Variants in TGFBR2 observed in about 807,000 individuals in gnomAD.
TGFBR2 encodes the protein TGF-beta receptor type-2.
A neutral mutation model predicts 49.0 loss-of-function variants in TGFBR2; 18 were observed. That is an observed-to-expected ratio of 0.37 (90% CI 0.25 to 0.54). The LOEUF is 0.54. Ranked by LOEUF, TGFBR2 falls within the 20% of genes least tolerant of loss-of-function variation. The pLI, the probability that TGFBR2 is intolerant of heterozygous loss-of-function variation, is 0.85. For synonymous variants in TGFBR2, 282 were observed against 275.9 expected (o/e 1.02, Z -0.22); for missense variants, 525 against 722.6 (o/e 0.73, Z 3.13).
chr3:30,682,541 G>A (rs1197260012), intron 5 of TGFBR2, among the ~76,000 whole-genome samples: 1 of 152,082 alleles, frequency 6.6e-6, no homozygotes, highest in African/African-American at 2.4e-5. Context: ...CAAGAGAGAG[G>A]CCCAAGGTCA....
At position 30,606,733 on chromosome 3, in the gene TGFBR2, GCGAGCGGGCGCCACATCTGGCC is replaced by G. The variant is rs1385570829; in HGVS notation, c.-148_-127del. 5 of 493,802 alleles carry G rather than the reference GCGAGCGGGCGCCACATCTGGCC, an allele frequency of 1.0e-5. No individual in the cohort carries two copies. The highest frequency in any genetic ancestry group is 1.6e-5 in the Non-Finnish European group (5 of 311,112). The allele number at this position is 493,802 out of a possible 1,614,324, so 30.6% of individuals were successfully genotyped here. On this transcript the variant is annotated 5_prime_UTR_variant, in exon 1 of 7. Coordinates refer to ENST00000295754, the MANE Select transcript of TGFBR2 (RefSeq NM_003242.6). ...CGGCCTCCAGGCCCCCTCCTGGCTG[GCGAGCGGGCGCCACATCTGGCC>G]CGCACATCTGCGCTGCCGGCCCGGC...
chr3:30,691,060 G>A (rs1457124314), intron 6 of TGFBR2, among the ~76,000 whole-genome samples: 2 of 152,158 alleles, frequency 1.3e-5, no homozygotes, highest in Non-Finnish European at 2.9e-5. Flanking sequence ...AAATAGAAAG[G>A]TGTTGAAATG....
intron 2 of TGFBR2, among the ~76,000 whole-genome samples, chr3:30,648,109 C>T (rs1468890569): frequency 1.3e-5 from 2 of 152,132 alleles, no homozygotes; most frequent in Non-Finnish European, 1.5e-5. Context: ...TTCCTATGCT[C>T]AGCTATATCC....
At chr3:30,639,106 G>A (rs565122530) in intron 1 of TGFBR2, among the ~76,000 whole-genome samples, 1 of 152,152 alleles carries the variant, frequency 6.6e-6, no homozygotes, top group Non-Finnish European at 1.5e-5. Flanking sequence ...TGAAGAATAG[G>A]TATTTAATTT....
chr3:30,644,053 A>G (rs1436067286), intron 1 of TGFBR2, among the ~76,000 whole-genome samples: 2 of 152,178 alleles, frequency 1.3e-5, no homozygotes, highest in Non-Finnish European at 2.9e-5. Context: ...TGCCTCACCA[A>G]TGCTTGGGAT....
At chr3:30,687,156 G>GT (rs1282150806) in intron 5 of TGFBR2, among the ~76,000 whole-genome samples, 3 of 152,176 alleles carry the variant, frequency 2.0e-5, no homozygotes, top group African/African-American at 7.2e-5. Context: ...GTTCAAGGAA[G>GT]TTTTTATAAA....
chr3:30,638,683 G>C (rs946447038), intron 1 of TGFBR2, among the ~76,000 whole-genome samples: 3 of 152,202 alleles, frequency 2.0e-5, no homozygotes, highest in African/African-American at 7.2e-5. Flanking sequence ...TAATCACAAG[G>C]TGTTTGTTTG....
At chr3:30,656,327 G>A (rs1283132627) in intron 3 of TGFBR2, among the ~76,000 whole-genome samples, 1 of 152,158 alleles carries the variant, frequency 6.6e-6, no homozygotes, top group Non-Finnish European at 1.5e-5. Context: ...TTTTCAGTAA[G>A]CATTTCTTTT....
At chr3:30,668,029 T>C (rs901896979) in intron 3 of TGFBR2, among the ~76,000 whole-genome samples, 1 of 152,196 alleles carries the variant, frequency 6.6e-6, no homozygotes, top group African/African-American at 2.4e-5. Flanking sequence ...AGTTTTATTG[T>C]TTTTTAAACA....
At chr3:30,646,492 C>G (rs1698744561) in intron 2 of TGFBR2, among the ~76,000 whole-genome samples, 1 of 152,112 alleles carries the variant, frequency 6.6e-6, no homozygotes, top group African/African-American at 2.4e-5. Context: ...TTGAAAGGCT[C>G]TCAGGTAGAA....
intron 3 of TGFBR2, among the ~76,000 whole-genome samples, chr3:30,654,265 T>C (rs1471403923): frequency 6.6e-6 from 1 of 152,218 alleles, no homozygotes; most frequent in Non-Finnish European, 1.5e-5. Flanking sequence ...GGTAACATCT[T>C]GACATCAGAC....
intron 3 of TGFBR2, among the ~76,000 whole-genome samples, chr3:30,660,558 C>T (rs1699102467): frequency 6.6e-6 from 1 of 152,142 alleles, no homozygotes; most frequent in Non-Finnish European, 1.5e-5. Context: ...GGGACGGTAA[C>T]AATTAAAGAA....
chr3:30,606,768 C>A lies in TGFBR2; in HGVS notation c.-116C>A, dbSNP rs1697929101. ...GCCACATCTGGCCCGCACATCTGCG[C>A]TGCCGGCCCGGCGCGGGGTCCGGAG... On this transcript the variant is annotated 5_prime_UTR_variant, in exon 1 of 7. It adds an upstream start codon to the 5' untranslated region. Coordinates refer to ENST00000295754, the MANE Select transcript of TGFBR2 (RefSeq NM_003242.6). 2 of 752,138 alleles carry A rather than the reference C, an allele frequency of 2.7e-6. No individual in the cohort carries two copies. Among genetic ancestry groups the A allele is most frequent in the East Asian group, 3.4e-5 (1 of 29,296 alleles). The allele number at this position is 752,138 out of a possible 1,614,324, so 46.6% of individuals were successfully genotyped here.
rs2125435790 is a variant in TGFBR2, at chr3:30,672,230, G to C, written c.1047G>C (p.Lys349Asn). The C allele has an allele frequency of 6.2e-7, 1 of 1,608,448 alleles. No homozygotes were observed. Residue 349 changes from lysine (K) to asparagine (N), a missense_variant, in exon 4 of 7, where the codon AAG becomes AAC. Physicochemically the swap from Lys to Asn is moderately conservative, Grantham distance 94. Coordinates refer to ENST00000295754, the MANE Select transcript of TGFBR2 (RefSeq NM_003242.6). The surrounding 1 kb of genome is among the most constrained non-coding windows in gnomAD (Gnocchi z 4.5). ...TCATCAGCTGGGAGGACCTGCGCAAGCTGGGCAGCTCCCTCGCCCGGGGGA... is the reference window on the plus strand; with the variant it reads ...TCATCAGCTGGGAGGACCTGCGCAACCTGGGCAGCTCCCTCGCCCGGGGGA... ...RHVISWEDLR[K>N]LGSSLARGIA...
At chr3:30,628,510 C>G (rs1575136371) in intron 1 of TGFBR2, among the ~76,000 whole-genome samples, 1 of 135,996 alleles carries the variant, frequency 7.4e-6, no homozygotes, top group South Asian at 2.3e-4. Flanking sequence ...AAAAAAAAGC[C>G]TTTGAAAAAG....
At chr3:30,617,328 T>C (rs1267884553) in intron 1 of TGFBR2, among the ~76,000 whole-genome samples, 2 of 152,206 alleles carry the variant, frequency 1.3e-5, no homozygotes, top group Admixed American at 6.5e-5. Flanking sequence ...GACTACCTTG[T>C]TACTACATAT....
At chr3:30,653,737 A>G (rs78408229) in intron 3 of TGFBR2, among the ~76,000 whole-genome samples, 3,898 of 152,342 alleles carry the variant, frequency 0.026, 60 homozygotes, top group Non-Finnish European at 0.038. Context: ...GTAAGAAAAA[A>G]AAGTTGAGCC....
rs1054149792 is a variant in TGFBR2 at position 30,676,572 on chromosome 3, T to G, written c.1396+2326T>G. On this transcript the variant is annotated intron_variant, in intron 5 of 6. Coordinates refer to ENST00000295754, the MANE Select transcript of TGFBR2 (RefSeq NM_003242.6). The surrounding 1 kb of genome is among the most constrained non-coding windows in gnomAD (Gnocchi z 4.3). ...ATTATATGAGTATCCAGTATTGTCA[T>G]TATTTATTTTGTTGCTCAGGTTGCC... Among the ~76,000 whole-genome samples, 1 of 152,202 alleles carries G rather than the reference T, an allele frequency of 6.6e-6. No homozygotes were observed. Among genetic ancestry groups the G allele is most frequent in the Non-Finnish European group, 1.5e-5 (1 of 68,022 alleles).
intron 3 of TGFBR2, among the ~76,000 whole-genome samples, chr3:30,669,222 G>A (rs755868459): frequency 1.1e-3 from 167 of 150,486 alleles, no homozygotes; most frequent in African/African-American, 1.9e-3. Flanking sequence ...AGCAGAGATC[G>A]TGCCATTGCA....
Sources: allele counts gnomAD v4.1 joint callset (sites outside exome capture counted in the v4.1 genomes callset), GRCh38; gene constraint gnomAD v4.1.1; non-coding constraint Gnocchi (gnomAD v3.1); transcripts MANE v1.5; gene names NCBI Gene and HGNC (gene_info 2026-07-23, HGNC 2026-07-21).